Variants in AKT1S1 observed in about 807,000 individuals in gnomAD.
AKT1S1 encodes proline-rich AKT1 substrate 1.
In AKT1S1, 17 loss-of-function variants were observed where a neutral mutation model predicts 21.2. The observed-to-expected ratio is 0.80, with a 90% CI of 0.55 to 1.20. The LOEUF (loss-of-function observed/expected upper bound fraction) is 1.20. AKT1S1 is among the 50% of genes most tolerant of loss of function. The pLI is 0.00. For synonymous variants in AKT1S1, 181 were observed against 165.6 expected (o/e 1.09, Z -0.72); for missense variants, 366 against 368.3 (o/e 0.99, Z 0.05).
At position 49,869,330 on chromosome 19, in the gene AKT1S1, T is replaced by C. The variant is rs1600426682; in HGVS notation, c.*587A>G. 6.6e-6 allele frequency: 1 copy of C among 151,596 alleles called. No homozygotes were observed. Among genetic ancestry groups the C allele is most frequent in the Admixed American group, 6.6e-5 (1 of 15,200 alleles). The allele number at this position is 151,596 out of a possible 1,614,324, so 9.4% of individuals were successfully genotyped here. A position where few individuals can be genotyped will look rare whatever the true frequency, so the allele number is the denominator to read the frequency against. The stretch of plus-strand genomic sequence containing the variant: ...CAGTTTGGGGCCATCCCTGAGGGGG[T>C]CAGGGAACAAGTTGTCGGGACGTGG... On this transcript the variant is annotated 3_prime_UTR_variant, in exon 5 of 5. Transcript: ENST00000344175.
In AKT1S1 at chr19:49,869,414, T is replaced by A. The variant is rs2122356874; in HGVS notation, c.*503A>T. On this transcript the variant is annotated 3_prime_UTR_variant, in exon 5 of 5. Coordinates refer to ENST00000344175, the MANE Select transcript of AKT1S1 (RefSeq NM_001098633.4). Reference sequence around the variant, plus strand: ...ACGTAAATTGAAGGCCCCGGGCCAATTCTGGGAAGAGGAGGGCTTGGCCAC... The same window carrying A: ...ACGTAAATTGAAGGCCCCGGGCCAAATCTGGGAAGAGGAGGGCTTGGCCAC... The A allele has an allele frequency of 6.5e-6, 1 of 152,752 alleles. No individual in the cohort carries two copies. The highest frequency in any genetic ancestry group is 2.0e-4 in the East Asian group (1 of 5,116). 9.5% of individuals were successfully genotyped at this position (152,752 alleles called of 1,614,324 possible). A position where few individuals can be genotyped will look rare whatever the true frequency, so the allele number is the denominator to read the frequency against.
rs561397614 is a variant in AKT1S1, at chr19:49,872,287, G to A, written c.380-398C>T. On this transcript the variant is annotated intron_variant, in intron 2 of 4. Transcript: ENST00000344175. Reference sequence around the variant, plus strand: ...CATGGCTACTAAGGGACACCACCAGGATTTGAACTCAGGATGCCTGCCCTT... The same window carrying A: ...CATGGCTACTAAGGGACACCACCAGAATTTGAACTCAGGATGCCTGCCCTT... Among the ~76,000 whole-genome samples, 4 of 152,306 alleles carry A rather than the reference G, an allele frequency of 2.6e-5. No homozygotes were observed. The East Asian group carries it at 7.7e-4, about 29-fold the overall frequency.
At position 49,873,098 on chromosome 19, in the gene AKT1S1, T is replaced by C. The variant is rs372487354; in HGVS notation, c.198A>G (p.Ala66=). 2 of 1,547,830 alleles carry C rather than the reference T, an allele frequency of 1.3e-6. No homozygotes were observed. Among genetic ancestry groups the C allele is most frequent in the Non-Finnish European group, 1.7e-6 (2 of 1,149,500 alleles). The change falls in exon 2 of 5, where the codon GCA becomes GCG. Residue 66 remains alanine, a synonymous_variant. Coordinates refer to ENST00000344175, the MANE Select transcript of AKT1S1 (RefSeq NM_001098633.4). This position sits in a 1 kb window ranked among gnomAD's most constrained non-coding sequence, Gnocchi z 6.9. ...CAGCAGTGGCAGCCCTGTGGGCCAG[T>C]GCGATGTCGTGGAGGCAACGGCGCG... ...EAARRCLHDI[A]LAHRAATAAR...
At chr19:49,876,901 T>G in intron 1 of AKT1S1, 1 of 421,732 alleles carries the variant, frequency 2.4e-6, no homozygotes, top group South Asian at 5.9e-5. Context: ...GCAAGCGACC[T>G]GACGTCCCTG....
In AKT1S1 at chr19:49,876,059, A is replaced by G. The variant is rs2074938299; in HGVS notation, c.-8+1178T>C. On this transcript the variant is annotated intron_variant, in intron 1 of 4. Transcript: ENST00000344175. Reference sequence around the variant, plus strand: ...GATGCAGGGAGGAGGGAAAAGAGCTAAGGAGGAGAGGGGTGGAACCACCCC... The same window carrying G: ...GATGCAGGGAGGAGGGAAAAGAGCTGAGGAGGAGAGGGGTGGAACCACCCC... 19 of 985,494 alleles carry G rather than the reference A, an allele frequency of 1.9e-5. 1 individual carries two copies. Among genetic ancestry groups the G allele is most frequent in the Middle Eastern group, 1.0e-3 (2 of 1,914 alleles). 61.0% of individuals were successfully genotyped at this position (985,494 alleles called of 1,614,324 possible). A position where few individuals can be genotyped will look rare whatever the true frequency, so the allele number is the denominator to read the frequency against.
At chr19:49,876,264 G>C (rs1049684419) in intron 1 of AKT1S1, 1 of 1,145,970 alleles carries the variant, frequency 8.7e-7, no homozygotes, top group Non-Finnish European at 1.1e-6. Flanking sequence ...CCCAGACGGA[G>C]GCCAGGACCG....
At position 49,873,325 on chromosome 19, in the gene AKT1S1, G is replaced by A. The variant is rs1464923032; in HGVS notation, c.-7-23C>T. ...GCCCTGCGGGCCAGAGCAGGACAGAGGGGGCTGAGGCTTGGCGGCCTACAT... is the reference window on the plus strand; with the variant it reads ...GCCCTGCGGGCCAGAGCAGGACAGAAGGGGCTGAGGCTTGGCGGCCTACAT... On this transcript the variant is annotated intron_variant, in intron 1 of 4. Coordinates refer to ENST00000344175, the MANE Select transcript of AKT1S1 (RefSeq NM_001098633.4). This position sits in a 1 kb window ranked among gnomAD's most constrained non-coding sequence, Gnocchi z 6.9. 24 of 1,425,364 alleles carry A rather than the reference G, an allele frequency of 1.7e-5. No individual in the cohort carries two copies. Among genetic ancestry groups the A allele is most frequent in the African/African-American group, 3.0e-5 (2 of 65,964 alleles). The allele number at this position is 1,425,364 out of a possible 1,614,324, so 88.3% of individuals were successfully genotyped here.
Position 49,873,305 on chromosome 19 carries a change from G to T in AKT1S1, c.-7-3C>A, listed in dbSNP as rs1264988423. 29 of 1,477,914 alleles carry T rather than the reference G, an allele frequency of 2.0e-5. No individual in the cohort carries two copies. The highest frequency in any genetic ancestry group is 2.4e-5 in the Non-Finnish European group (27 of 1,126,510). 91.6% of individuals were successfully genotyped at this position (1,477,914 alleles called of 1,614,324 possible). ...GGCGCCCCGACGCCATCCGCGCCCT[G>T]CGGGCCAGAGCAGGACAGAGGGGGC... On this transcript the variant is annotated splice_region_variant and splice_polypyrimidine_tract_variant and intron_variant, in intron 1 of 4. Transcript: ENST00000344175. This position sits in a 1 kb window ranked among gnomAD's most constrained non-coding sequence, Gnocchi z 6.9.
In AKT1S1 at chr19:49,873,545, C is replaced by T. The variant is rs1434079684; in HGVS notation, c.-7-243G>A. 8.9e-6 allele frequency: 6 copies of T among 671,804 alleles called. No homozygotes were observed. The highest frequency in any genetic ancestry group is 4.2e-5 in the Admixed American group (1 of 23,618). 41.6% of individuals were successfully genotyped at this position (671,804 alleles called of 1,614,324 possible). A position where few individuals can be genotyped will look rare whatever the true frequency, so the allele number is the denominator to read the frequency against. ...ATTCCTCCTGCCCCAAGTCACTGTA[C>T]TCCTTCCCCTTTGGCCCTGCCCTGG... On this transcript the variant is annotated intron_variant, in intron 1 of 4. Coordinates refer to ENST00000344175, the MANE Select transcript of AKT1S1 (RefSeq NM_001098633.4). The surrounding 1 kb of genome is among the most constrained non-coding windows in gnomAD (Gnocchi z 6.9).
At chr19:49,876,529 C>A (rs2074946521) in intron 1 of AKT1S1, 1 of 1,455,280 alleles carries the variant, frequency 6.9e-7, no homozygotes, top group Admixed American at 2.7e-5. Flanking sequence ...AGCCGCTCGC[C>A]CTCCCAGCGC....
At chr19:49,878,109 G>T (rs760294370), upstream of AKT1S1, 7 of 1,536,320 alleles carry the variant, frequency 4.6e-6, no homozygotes, top group Admixed American at 9.7e-5. Context: ...CCCCTCGCTT[G>T]GGCCCCAGCC....
chr19:49,872,663 G>A (rs1004111165), intron 2 of AKT1S1, among the ~76,000 whole-genome samples: 8 of 152,150 alleles, frequency 5.3e-5, no homozygotes, highest in African/African-American at 1.7e-4. Flanking sequence ...TGAGAAAAAA[G>A]CCCGAGCCTG....
rs2074908212 is a variant in AKT1S1 at position 49,873,378 on chromosome 19, C to T, written c.-7-76G>A. ...TCGCCACCCACTCAGAGTGCCCGCC[C>T]GTCCCCTGGATGGCACTCACCACCC... On this transcript the variant is annotated intron_variant, in intron 1 of 4. Coordinates refer to ENST00000344175, the MANE Select transcript of AKT1S1 (RefSeq NM_001098633.4). The surrounding 1 kb of genome is among the most constrained non-coding windows in gnomAD (Gnocchi z 6.9). 12 of 1,376,006 alleles carry T rather than the reference C, an allele frequency of 8.7e-6. No individual in the cohort carries two copies. The highest frequency in any genetic ancestry group is 3.7e-5 in the Admixed American group (1 of 26,920). The allele number at this position is 1,376,006 out of a possible 1,614,324, so 85.2% of individuals were successfully genotyped here. A position where few individuals can be genotyped will look rare whatever the true frequency, so the allele number is the denominator to read the frequency against.
chr19:49,872,346 G>A (rs1338074114), intron 2 of AKT1S1, among the ~76,000 whole-genome samples: 1 of 152,178 alleles, frequency 6.6e-6, no homozygotes, highest in African/African-American at 2.4e-5. Flanking sequence ...CAATGGTGAG[G>A]AGGCCTGCCA....
rs372384074 is a variant in AKT1S1 at position 49,869,562 on chromosome 19, T to G, written c.*355A>C. On this transcript the variant is annotated 3_prime_UTR_variant, in exon 5 of 5. Transcript: ENST00000344175. ...ATCAAAAAAAGAGCTGTCCAGCGAC[T>G]AGGGGATGGAGCCAATGCCGTGCGA... The G allele has an allele frequency of 9.5e-5, 19 of 199,196 alleles. 2 individuals carry two copies. The highest frequency in any genetic ancestry group is 9.1e-4 in the Admixed American group (15 of 16,560). The allele number at this position is 199,196 out of a possible 1,614,324, so 12.3% of individuals were successfully genotyped here.
Position 49,873,560 on chromosome 19 carries a change from C to A in AKT1S1, c.-7-258G>T. On this transcript the variant is annotated intron_variant, in intron 1 of 4. Transcript: ENST00000344175. This position sits in a 1 kb window ranked among gnomAD's most constrained non-coding sequence, Gnocchi z 6.9. ...AGTCACTGTACTCCTTCCCCTTTGGCCCTGCCCTGGCCTCTGTGGGAGCCG... is the reference window on the plus strand; with the variant it reads ...AGTCACTGTACTCCTTCCCCTTTGGACCTGCCCTGGCCTCTGTGGGAGCCG... The A allele has an allele frequency of 1.7e-6, 1 of 596,498 alleles. No individual in the cohort carries two copies. Among genetic ancestry groups the A allele is most frequent in the South Asian group, 3.2e-5 (1 of 31,014 alleles). The allele number at this position is 596,498 out of a possible 1,614,324, so 37.0% of individuals were successfully genotyped here.
Position 49,873,256 on chromosome 19 carries a change from C to A in AKT1S1, c.40G>T (p.Val14Leu). 6.5e-7 allele frequency: 1 copy of A among 1,533,324 alleles called. No homozygotes were observed. The allele number at this position is 1,533,324 out of a possible 1,614,324, so 95.0% of individuals were successfully genotyped here. Residue 14 changes from valine to leucine, a missense_variant, in exon 2 of 5, where the codon GTG becomes TTG. Val to Leu is a conservative substitution (Grantham distance 32). Coordinates refer to ENST00000344175, the MANE Select transcript of AKT1S1 (RefSeq NM_001098633.4). The surrounding 1 kb of genome is among the most constrained non-coding windows in gnomAD (Gnocchi z 6.9). Reference protein sequence around the residue: ...GRPEELWEAVVGAAERFRART... With the variant: ...GRPEELWEAVLGAAERFRART... ...GCCCGGAAGCGCTCAGCGGCCCCCA[C>A]CACGGCCTCCCACAGCTCCTCGGGG...
upstream of AKT1S1, chr19:49,877,429 G>A (rs888606761): frequency 6.5e-6 from 3 of 460,082 alleles, no homozygotes; most frequent in Non-Finnish European, 7.8e-6. Context: ...TGCCCCAGGT[G>A]GTGCAGCTCT....
At chr19:49,871,325 C>T (rs2074880869) in intron 4 of AKT1S1, among the ~76,000 whole-genome samples, 2 of 152,194 alleles carry the variant, frequency 1.3e-5, no homozygotes. Context: ...TAGAGACGCT[C>T]CTGGAAAGGA....
Sources: allele counts gnomAD v4.1 joint callset (sites outside exome capture counted in the v4.1 genomes callset), GRCh38; gene constraint gnomAD v4.1.1; non-coding constraint Gnocchi (gnomAD v3.1); transcripts MANE v1.5; gene names NCBI Gene and HGNC (gene_info 2026-07-23, HGNC 2026-07-21).